ARL15: variants seen among roughly 807,000 people sequenced by gnomAD.
ARL15 encodes ADP-ribosylation factor-like protein 15.
ARL15 carries 19 observed loss-of-function variants against 25.2 expected under a neutral mutation model. The observed-to-expected ratio is 0.75, with a 90% confidence interval of 0.53 to 1.10. The LOEUF (loss-of-function observed/expected upper bound fraction) is 1.10. ARL15 is among the 50% of genes least tolerant of loss of function. The pLI, the probability that ARL15 is intolerant of heterozygous loss-of-function variation, is 0.00. For synonymous variants in ARL15, 94 were observed against 86.8 expected (o/e 1.08, Z -0.46); for missense variants, 220 against 246.0 (o/e 0.89, Z 0.71).
intron 1 of ARL15, among the ~76,000 whole-genome samples, chr5:54,298,357 G>A (rs6897937): frequency 0.031 from 4,758 of 152,162 alleles, 231 homozygotes; most frequent in African/African-American, 0.11. Context: ...ACTTCAGCAC[G>A]ACACAACTAC....
At chr5:54,114,126 G>A (rs961360210) in intron 3 of ARL15, among the ~76,000 whole-genome samples, 17 of 152,110 alleles carry the variant, frequency 1.1e-4, no homozygotes, top group Non-Finnish European at 1.0e-4. Context: ...GGCTGGGCGC[G>A]GTGGTTCACA....
intron 1 of ARL15, among the ~76,000 whole-genome samples, chr5:54,228,899 C>G (rs533512550): frequency 6.6e-6 from 1 of 152,198 alleles, no homozygotes; most frequent in South Asian, 2.1e-4. Context: ...TTAAAAGCAC[C>G]AAACATAGCA....
At chr5:53,975,449 A>G (rs1047924637) in intron 4 of ARL15, among the ~76,000 whole-genome samples, 4 of 152,184 alleles carry the variant, frequency 2.6e-5, no homozygotes, top group African/African-American at 9.7e-5. Context: ...AGAAGTTCTC[A>G]AGGATCTTGG....
At chr5:53,960,195 T>C (rs1280077123) in intron 4 of ARL15, among the ~76,000 whole-genome samples, 1 of 152,170 alleles carries the variant, frequency 6.6e-6, no homozygotes, top group Non-Finnish European at 1.5e-5. Flanking sequence ...TGATATATCA[T>C]CTTCTCATTA....
At chr5:54,221,149 C>T (rs1339765289) in intron 1 of ARL15, among the ~76,000 whole-genome samples, 1 of 152,120 alleles carries the variant, frequency 6.6e-6, no homozygotes. Context: ...TTTTAATTTT[C>T]TTGCTAGTTA....
chr5:54,114,860 C>T lies in ARL15; in HGVS notation c.254-1450G>A, dbSNP rs538566498. Among the ~76,000 whole-genome samples the T allele has an allele frequency of 2.0e-4, 30 of 152,294 alleles. No homozygotes were observed. In the South Asian group the frequency reaches 5.2e-3, roughly 26 times the overall value. On this transcript the variant is annotated intron_variant, in intron 3 of 4. Transcript: ENST00000504924. ...TGGTTATATAACGACAATTAGATTT[C>T]AAGGAATTTCACCAATTTATTGCAT... is the stretch of plus-strand genomic sequence containing the variant.
At chr5:54,071,979 G>GAAAAAAAAAAA (rs71989027) in intron 4 of ARL15, among the ~76,000 whole-genome samples, 22 of 126,152 alleles carry the variant, frequency 1.7e-4, no homozygotes, top group East Asian at 2.5e-4. Context: ...CTCAAAAAAA[G>GAAAAAAAAAAA]AAAAAAAAAA....
intron 4 of ARL15, among the ~76,000 whole-genome samples, chr5:53,981,274 G>A (rs1044520400): frequency 6.6e-6 from 1 of 152,128 alleles, no homozygotes; most frequent in Non-Finnish European, 1.5e-5. Flanking sequence ...ATCAATTAAA[G>A]AATATGTGAG....
chr5:54,209,335 G>A (rs78096847), intron 1 of ARL15, among the ~76,000 whole-genome samples: 1 of 56,506 alleles, frequency 1.8e-5, no homozygotes, highest in Non-Finnish European at 3.7e-5. Context: ...AAAAGAGAAA[G>A]AGAGAGAGAG....
At chr5:54,208,924 C>A (rs1755952876) in intron 1 of ARL15, among the ~76,000 whole-genome samples, 1 of 151,964 alleles carries the variant, frequency 6.6e-6, no homozygotes, top group Admixed American at 6.6e-5. Context: ...TTATAGCACA[C>A]CTATTTGAAA....
intron 1 of ARL15, among the ~76,000 whole-genome samples, chr5:54,278,956 T>C (rs1757987201): frequency 1.3e-5 from 2 of 152,238 alleles, no homozygotes; most frequent in African/African-American, 2.4e-5. Context: ...TGTTCCAATT[T>C]GGTCTTGCTC....
intron 4 of ARL15, among the ~76,000 whole-genome samples, chr5:54,030,888 A>C (rs1749959384): frequency 6.6e-6 from 1 of 152,208 alleles, no homozygotes; most frequent in African/African-American, 2.4e-5. Context: ...AAAACTAGAA[A>C]GTAATGATGG....
At chr5:54,260,721 A>G (rs1012463647) in intron 1 of ARL15, among the ~76,000 whole-genome samples, 1 of 152,140 alleles carries the variant, frequency 6.6e-6, no homozygotes, top group East Asian at 1.9e-4. Flanking sequence ...TCTGACAATG[A>G]CTCAAGGGGC....
At chr5:54,250,516 G>T (rs1240645451) in intron 1 of ARL15, among the ~76,000 whole-genome samples, 1 of 152,226 alleles carries the variant, frequency 6.6e-6, no homozygotes, top group African/African-American at 2.4e-5. Context: ...ACCTGATTGT[G>T]CAGTCTCTGA....
intron 1 of ARL15, among the ~76,000 whole-genome samples, chr5:54,248,998 T>A (rs1163337116): frequency 2.6e-5 from 4 of 151,256 alleles, no homozygotes; most frequent in Non-Finnish European, 5.9e-5. Flanking sequence ...AGCCCAGGAG[T>A]TTGAGGTCAA....
intron 4 of ARL15, among the ~76,000 whole-genome samples, chr5:53,989,903 C>T (rs1028983632): frequency 6.6e-6 from 1 of 152,058 alleles, no homozygotes; most frequent in Non-Finnish European, 1.5e-5. Context: ...AAGAACAGGG[C>T]AGTAATTAGC....
chr5:54,068,852 C>T (rs1751327311), intron 4 of ARL15, among the ~76,000 whole-genome samples: 1 of 152,198 alleles, frequency 6.6e-6, no homozygotes, highest in Admixed American at 6.5e-5. Context: ...CTGGAGCTCA[C>T]TTCACTGCTT....
At chr5:54,220,108 CTTTCAACTGTAGGGTAACT>C (rs1372922837) in intron 1 of ARL15, among the ~76,000 whole-genome samples, 2 of 152,130 alleles carry the variant, frequency 1.3e-5, no homozygotes, top group East Asian at 3.9e-4. Flanking sequence ...TCATGTAACT[CTTTCAACTGTAGGGTAACT>C]GCCATACAAT....
chr5:54,113,087 T>C (rs1752788117), intron 4 of ARL15, 115 bp downstream of exon 4: 8 of 1,011,844 alleles, frequency 7.9e-6, no homozygotes, highest in African/African-American at 1.6e-5. Context: ...TAAGGTTTCA[T>C]GTTGAAAGCA....
Sources: allele counts gnomAD v4.1 joint callset (sites outside exome capture counted in the v4.1 genomes callset), GRCh38; gene constraint gnomAD v4.1.1; transcripts MANE v1.5; gene names NCBI Gene and HGNC (gene_info 2026-07-23, HGNC 2026-07-21).